SEPTIN3: variants seen among roughly 807,000 people sequenced by gnomAD.
SEPTIN3 encodes the protein neuronal-specific septin-3.
SEPTIN3 carries 15 observed loss-of-function variants against 45.1 expected under a neutral mutation model. That is an observed-to-expected ratio of 0.33 (90% confidence interval 0.22 to 0.51). The LOEUF (loss-of-function observed/expected upper bound fraction) is 0.51, where lower values mean the gene tolerates loss of function less well. SEPTIN3 is among the 20% of genes least tolerant of loss of function. The probability of loss-of-function intolerance (pLI) is 0.97; values close to 1 mark genes in which losing one functional copy is unlikely to be tolerated. For synonymous variants in SEPTIN3, 148 were observed against 164.8 expected, an observed-to-expected ratio of 0.90 and a Z score of 0.78; for missense variants, 289 against 457.2, an observed-to-expected ratio of 0.63 and a Z score of 3.35.
rs571554466 is a variant in SEPTIN3, at chr22:41,990,561, C to T, written c.2163+877C>T. 7.6e-3 allele frequency among the ~76,000 whole-genome samples: 1,110 copies of T among 145,958 alleles called. 7 individuals carry two copies. Among genetic ancestry groups the T allele is most frequent in the African/African-American group, 0.016 (627 of 39,740 alleles). ...GAGATCAAGACCATCCTGGCTAACA[C>T]GGTGAAACCCCGTCTCTACTAAAAA... On this transcript the variant is annotated intron_variant, in intron 7 of 11. Coordinates refer to ENST00000644076, the MANE Select transcript of SEPTIN3 (RefSeq NM_001363845.2).
intron 2 of SEPTIN3, among the ~76,000 whole-genome samples, chr22:41,973,882 G>A (rs958371497): frequency 6.6e-6 from 1 of 151,972 alleles, no homozygotes; most frequent in Non-Finnish European, 1.5e-5. Flanking sequence ...TTGGGAGGCT[G>A]AGGCACGAGA....
chr22:41,976,741 G>C lies in SEPTIN3; in HGVS notation c.1504+3745G>C, dbSNP rs1389974699. Reference sequence around the variant, plus strand: ...TTGCGGGCGCGGGCGCCGCGGGAAGGGGAGGGGCCCTCGGCGGGGCCGACG... The same window carrying C: ...TTGCGGGCGCGGGCGCCGCGGGAAGCGGAGGGGCCCTCGGCGGGGCCGACG... On this transcript the variant is annotated intron_variant, in intron 2 of 11. Coordinates refer to ENST00000644076, the MANE Select transcript of SEPTIN3 (RefSeq NM_001363845.2). The surrounding 1 kb of genome is among the most constrained non-coding windows in gnomAD (Gnocchi z 5.8). The C allele has an allele frequency of 6.6e-6, 1 of 152,098 alleles. No individual in the cohort carries two copies. Among genetic ancestry groups the C allele is most frequent in the Non-Finnish European group, 1.5e-5 (1 of 67,772 alleles). The allele number at this position is 152,098 out of a possible 1,614,324, so 9.4% of individuals were successfully genotyped here.
At chr22:41,969,968 G>A (rs985816842) in intron 1 of SEPTIN3, among the ~76,000 whole-genome samples, 8 of 152,106 alleles carry the variant, frequency 5.3e-5, no homozygotes, top group Non-Finnish European at 8.8e-5. Context: ...AGGTGGGAAA[G>A]GGTTGGAGGC....
chr22:41,973,325 C>T (rs540022691), intron 2 of SEPTIN3, among the ~76,000 whole-genome samples: 4 of 151,562 alleles, frequency 2.6e-5, no homozygotes, highest in African/African-American at 9.7e-5. Context: ...AGTTCAAGAC[C>T]AGCCTGAGAA....
intron 2 of SEPTIN3, among the ~76,000 whole-genome samples, chr22:41,975,941 G>C (rs1350610992): frequency 1.3e-5 from 2 of 152,280 alleles, no homozygotes; most frequent in East Asian, 3.9e-4. Flanking sequence ...AGCTTCCAAG[G>C]CTGCGTGCGG....
chr22:41,975,847 C>G (rs1556244386), intron 2 of SEPTIN3, among the ~76,000 whole-genome samples: 5 of 152,146 alleles, frequency 3.3e-5, no homozygotes. Flanking sequence ...CCACACACAA[C>G]TGCTGCAACG....
chr22:41,995,560 ATC>A, intron 11 of SEPTIN3: 1 of 985,060 alleles, frequency 1.0e-6, no homozygotes, highest in Non-Finnish European at 1.2e-6. Context: ...TGTCTCTGAC[ATC>A]TCTCACTTCC....
chr22:41,997,361 C>A lies in SEPTIN3; in HGVS notation c.*394C>A. Reference sequence around the variant, plus strand: ...GCTACTCTTGGCTTCCTTAAAGGGTCAAGAAAGCAATTTTTCTGCTTACTA... The same window carrying A: ...GCTACTCTTGGCTTCCTTAAAGGGTAAAGAAAGCAATTTTTCTGCTTACTA... On this transcript the variant is annotated 3_prime_UTR_variant, in exon 12 of 12. Coordinates refer to ENST00000644076, the MANE Select transcript of SEPTIN3 (RefSeq NM_001363845.2). The A allele has an allele frequency of 5.4e-6, 1 of 183,820 alleles. No individual in the cohort carries two copies. The highest frequency in any genetic ancestry group is 1.1e-5 in the Non-Finnish European group (1 of 88,278). The allele number at this position is 183,820 out of a possible 1,614,324, so 11.4% of individuals were successfully genotyped here.
Position 41,980,129 on chromosome 22 carries a change from CTTTTTT to C in SEPTIN3, c.1505-1495_1505-1490del, listed in dbSNP as rs569424612. On this transcript the variant is annotated intron_variant, in intron 2 of 11. Coordinates refer to ENST00000644076, the MANE Select transcript of SEPTIN3 (RefSeq NM_001363845.2). Reference sequence around the variant, plus strand: ...GGGACTGTAAGATATTGCTCAGTGCCTTTTTTTTTTTTTTTTTTTTTTTTTTGGAGA... The same window carrying C: ...GGGACTGTAAGATATTGCTCAGTGCCTTTTTTTTTTTTTTTTTTTTGGAGA... Among the ~76,000 whole-genome samples the C allele has an allele frequency of 8.1e-3, 833 of 103,370 alleles. 6 individuals carry two copies. Among genetic ancestry groups the C allele is most frequent in the South Asian group, 0.013 (48 of 3,566 alleles). The allele number at this position is 103,370 out of a possible 152,430, so 67.8% of individuals were successfully genotyped here. A position where few individuals can be genotyped will look rare whatever the true frequency, so the allele number is the denominator to read the frequency against.
chr22:41,996,304 C>T, intron 11 of SEPTIN3: 12 of 985,338 alleles, frequency 1.2e-5, no homozygotes, highest in African/African-American at 1.7e-5. Context: ...AAATTCGGGG[C>T]CAGGGAAACA....
rs980204105 is a variant in SEPTIN3 at position 41,989,693 on chromosome 22, G to A, written c.2163+9G>A. On this transcript the variant is annotated intron_variant, in intron 7 of 11. Coordinates refer to ENST00000644076, the MANE Select transcript of SEPTIN3 (RefSeq NM_001363845.2). Reference sequence around the variant, plus strand: ...CTGAATTCAAGCAAAGGGTGAGAAGGCCCCCTGTCTTCTTTTCCTGTTCCC... The same window carrying A: ...CTGAATTCAAGCAAAGGGTGAGAAGACCCCCTGTCTTCTTTTCCTGTTCCC... The A allele has an allele frequency of 6.5e-7, 1 of 1,538,584 alleles. No homozygotes were observed. The highest frequency in any genetic ancestry group is 1.1e-5 in the South Asian group (1 of 89,454).
intron 3 of SEPTIN3, among the ~76,000 whole-genome samples, chr22:41,984,997 C>T (rs961753607): frequency 4.6e-5 from 7 of 152,160 alleles, no homozygotes; most frequent in East Asian, 1.9e-4. Flanking sequence ...GGACTACAGG[C>T]GCCTGCCACC....
intron 2 of SEPTIN3, chr22:41,977,077 AGGGCGGCC>A: frequency 5.6e-6 from 9 of 1,598,734 alleles, no homozygotes; most frequent in Non-Finnish European, 7.7e-6. Flanking sequence ...GTCCAAAGGT[AGGGCGGCC>A]GGCCAGGCCA....
At position 41,997,632 on chromosome 22, in the gene SEPTIN3, C is replaced by T. The variant is rs1299938516; in HGVS notation, c.*665C>T. 2 of 151,282 alleles carry T rather than the reference C, an allele frequency of 1.3e-5. No homozygotes were observed. Among genetic ancestry groups the T allele is most frequent in the Non-Finnish European group, 3.0e-5 (2 of 67,410 alleles). 9.4% of individuals were successfully genotyped at this position (151,282 alleles called of 1,614,324 possible). On this transcript the variant is annotated 3_prime_UTR_variant, in exon 12 of 12. Coordinates refer to ENST00000644076, the MANE Select transcript of SEPTIN3 (RefSeq NM_001363845.2). Reference sequence around the variant, plus strand: ...TTGCTGGAGTTGACTTTCTTCTGTCCAAACAAACAAACAAAAACTAAACAC... The same window carrying T: ...TTGCTGGAGTTGACTTTCTTCTGTCTAAACAAACAAACAAAAACTAAACAC...
In SEPTIN3 at chr22:41,971,791, G is replaced by C. The variant is rs74530375; in HGVS notation, c.299G>C (p.Ser100Thr). Residue 100 changes from serine to threonine, a missense_variant, in exon 2 of 12, where the codon AGC becomes ACC. This residue lies in a region of SEPTIN3 where 200 missense variants were observed against 315.1 expected (regional missense o/e 0.63). Transcript: ENST00000644076. ...TCCTTGAGCCCCCTGCCCACCAGCAGCCTTGTACCCAGGAAGCTCAGCTCC... is the reference window on the plus strand; with the variant it reads ...TCCTTGAGCCCCCTGCCCACCAGCACCCTTGTACCCAGGAAGCTCAGCTCC... The part of the protein sequence containing the change: ...GASLSPLPTS[S>T]LVPRKLSSIS... 5,347 of 399,314 alleles carry C rather than the reference G, an allele frequency of 0.013. 247 individuals carry two copies. The highest frequency in any genetic ancestry group is 0.099 in the African/African-American group (4,804 of 48,712). 24.7% of individuals were successfully genotyped at this position (399,314 alleles called of 1,614,324 possible).
At chr22:41,977,704 A>AG (rs1027948515) in intron 2 of SEPTIN3, among the ~76,000 whole-genome samples, 4 of 147,976 alleles carry the variant, frequency 2.7e-5, no homozygotes, top group Admixed American at 6.7e-5. Context: ...TGGAAGGAAG[A>AG]GGGGGGGCCT....
intron 2 of SEPTIN3, among the ~76,000 whole-genome samples, chr22:41,981,043 G>A (rs1039552269): frequency 4.6e-5 from 7 of 152,170 alleles, no homozygotes; most frequent in Admixed American, 3.3e-4. Flanking sequence ...TGAAGCAGCC[G>A]AGGTCAGTGA....
In SEPTIN3 at chr22:41,991,632, G is replaced by C. The variant is rs2078319323; in HGVS notation, c.2223G>C (p.Glu741Asp). The change falls in exon 8 of 12, where the codon GAG (glutamate) becomes GAC (aspartate). Residue 741 changes from glutamate (E) to aspartate (D), a missense_variant. Glu to Asp is a conservative substitution (Grantham distance 45). Around this residue, in one of 3 missense-constraint regions of SEPTIN3, gnomAD observed 200 missense variants for 315.1 expected, o/e 0.63. Transcript: ENST00000644076. ...IEFYPQKEFD[E>D]DLEDKTENDK... ...TCTACCCCCAGAAGGAATTTGATGA[G>C]GATTTGGAGGATAAGACGGAGAATG... is the stretch of plus-strand genomic sequence containing the variant. The C allele has an allele frequency of 6.2e-7, 1 of 1,614,062 alleles. No individual in the cohort carries two copies. Among genetic ancestry groups the C allele is most frequent in the Admixed American group, 1.7e-5 (1 of 60,026 alleles).
At chr22:41,996,655 A>G in intron 11 of SEPTIN3, 1 of 1,323,204 alleles carries the variant, frequency 7.6e-7, no homozygotes, top group Non-Finnish European at 9.6e-7. Flanking sequence ...CAGCAGCGCT[A>G]CAGCCCAGAG....
Sources: allele counts gnomAD v4.1 joint callset (sites outside exome capture counted in the v4.1 genomes callset), GRCh38; gene constraint gnomAD v4.1.1; regional missense constraint gnomAD v4.1.1; non-coding constraint Gnocchi (gnomAD v3.1); transcripts MANE v1.5; gene names NCBI Gene and HGNC (gene_info 2026-07-23, HGNC 2026-07-21).